Variants in SYT16 observed in about 807,000 individuals in gnomAD.
SYT16 encodes the protein synaptotagmin 16.
A neutral mutation model predicts 61.4 loss-of-function variants in SYT16; 42 were observed. The observed-to-expected ratio is 0.68, with a 90% CI of 0.53 to 0.89. The LOEUF is 0.89. SYT16 is among the 40% of genes least tolerant of loss of function. The pLI, the probability that SYT16 is intolerant of heterozygous loss-of-function variation, is 0.00. For missense variants in SYT16, 804 were observed against 807.3 expected, an observed-to-expected ratio of 1.00 and a Z score of 0.05; for synonymous variants, 314 against 302.3, an observed-to-expected ratio of 1.04 and a Z score of -0.40.
chr14:62,093,525 G>T (rs541698124), intron 7 of SYT16, among the ~76,000 whole-genome samples: 6 of 151,746 alleles, frequency 4.0e-5, no homozygotes, highest in African/African-American at 1.2e-4. Context: ...GTTTATACTG[G>T]GTCCACCTAG....
chr14:62,076,263 C>A, intron 5 of SYT16, among the ~76,000 whole-genome samples: 1 of 151,998 alleles, frequency 6.6e-6, no homozygotes. Context: ...TGTTTAATAC[C>A]TAATTTGAAA....
intron 3 of SYT16, among the ~76,000 whole-genome samples, chr14:62,049,234 C>G (rs543203460): frequency 5.3e-5 from 8 of 152,254 alleles, no homozygotes; most frequent in African/African-American, 1.9e-4. Flanking sequence ...TATGTAATGG[C>G]CTTCTTTGTC....
intron 3 of SYT16, among the ~76,000 whole-genome samples, chr14:62,053,993 A>G (rs796459027): frequency 2.0e-4 from 31 of 152,320 alleles, no homozygotes; most frequent in African/African-American, 7.0e-4. Flanking sequence ...AAGCCATTTA[A>G]CAGTCATAGC....
chr14:61,998,676 C>G (rs539097800), intron 3 of SYT16, among the ~76,000 whole-genome samples: 1 of 152,020 alleles, frequency 6.6e-6, no homozygotes, highest in East Asian at 1.9e-4. Context: ...ACTGATTACA[C>G]TGGATAGGGC....
chr14:61,920,627 G>A (rs903590858), intron 1 of SYT16, among the ~76,000 whole-genome samples: 1 of 152,274 alleles, frequency 6.6e-6, no homozygotes, highest in African/African-American at 2.4e-5. Context: ...AGACATTTGA[G>A]ACAATGCCAT....
At position 62,084,224 on chromosome 14, in the gene SYT16, C is replaced by A. The variant is rs755013221; in HGVS notation, c.1463C>A (p.Ala488Glu). Residue 488 changes from alanine to glutamate, a missense_variant, in exon 7 of 8, where the codon GCG becomes GAG. By Grantham distance (107) the Ala-to-Glu change is moderately radical (BLOSUM62 -1). Transcript: ENST00000683842. ...GGAGGGTCTCCGCTCAGCCCATCTG[C>A]GGTTTCTCACAGTGATAGTACTTCA... Reference protein sequence around the residue: ...SSGGSPLSPSAVSHSDSTSST... With the variant: ...SSGGSPLSPSEVSHSDSTSST... 2 of 1,613,808 alleles carry A rather than the reference C, an allele frequency of 1.2e-6. No homozygotes were observed. The highest frequency in any genetic ancestry group is 1.7e-5 in the Admixed American group (1 of 60,010).
In SYT16 at chr14:62,108,316, C is replaced by T. The variant is rs1256179420; in HGVS notation, c.*7609C>T. 6.6e-6 allele frequency: 1 copy of T among 152,102 alleles called. No homozygotes were observed. Among genetic ancestry groups the T allele is most frequent in the Admixed American group, 6.6e-5 (1 of 15,260 alleles). 9.4% of individuals were successfully genotyped at this position (152,102 alleles called of 1,614,324 possible). ...AAATTCTGACTGAAAGCAAGTTTTT[C>T]GTGTTGCCCAGTTGATAGTCCATAA... is the stretch of plus-strand genomic sequence containing the variant. On this transcript the variant is annotated 3_prime_UTR_variant, in exon 8 of 8. Transcript: ENST00000683842.
chr14:61,990,176 G>A (rs748490641), intron 2 of SYT16, among the ~76,000 whole-genome samples: 2 of 152,132 alleles, frequency 1.3e-5, no homozygotes, highest in Non-Finnish European at 2.9e-5. Flanking sequence ...TTGACTCCAT[G>A]CATTATTCAT....
chr14:62,016,934 T>A (rs937811416), intron 3 of SYT16, among the ~76,000 whole-genome samples: 1 of 152,172 alleles, frequency 6.6e-6, no homozygotes, highest in South Asian at 2.1e-4. Flanking sequence ...GTGTGTTTAG[T>A]ACTGTGATTT....
intron 2 of SYT16, among the ~76,000 whole-genome samples, chr14:61,988,131 ATGGCCC>A (rs550807703): frequency 3.9e-4 from 59 of 152,188 alleles, no homozygotes; most frequent in Admixed American, 9.2e-4. Flanking sequence ...ATGTGCGCCC[ATGGCCC>A]TGGAGCACAG....
intron 1 of SYT16, among the ~76,000 whole-genome samples, chr14:61,967,769 T>G (rs1382517740): frequency 6.6e-6 from 1 of 152,160 alleles, no homozygotes; most frequent in Non-Finnish European, 1.5e-5. Context: ...GGTGAACATA[T>G]GTACTTGAGG....
At chr14:61,818,819 C>G (rs1020959268) in intron 1 of SYT16, among the ~76,000 whole-genome samples, 1 of 152,048 alleles carries the variant, frequency 6.6e-6, no homozygotes, top group African/African-American at 2.4e-5. Flanking sequence ...TAATTATAAA[C>G]AGTGTAGAAG....
intron 2 of SYT16, among the ~76,000 whole-genome samples, chr14:61,975,706 G>T (rs1157149088): frequency 6.6e-6 from 1 of 152,076 alleles, no homozygotes; most frequent in Non-Finnish European, 1.5e-5. Flanking sequence ...GATCCTATTT[G>T]GTTCTTAGGG....
chr14:61,826,979 C>T (rs1298274654), intron 1 of SYT16, among the ~76,000 whole-genome samples: 1 of 151,932 alleles, frequency 6.6e-6, no homozygotes, highest in Non-Finnish European at 1.5e-5. Context: ...CGGAAGCCCA[C>T]CAGTTCCATT....
intron 2 of SYT16, among the ~76,000 whole-genome samples, chr14:61,992,362 C>T (rs2052587188): frequency 6.6e-6 from 1 of 152,094 alleles, no homozygotes; most frequent in Non-Finnish European, 1.5e-5. Context: ...TAAGGAAAGG[C>T]TGAGTTCTCA....
chr14:61,881,485 A>T (rs2047695814), intron 1 of SYT16, among the ~76,000 whole-genome samples: 1 of 152,210 alleles, frequency 6.6e-6, no homozygotes, highest in African/African-American at 2.4e-5. Flanking sequence ...CTCTGTTAAT[A>T]TCCTCTGCAT....
At position 61,879,458 on chromosome 14, in the gene SYT16, T is replaced by C. The variant is rs137900484; in HGVS notation, c.-325+66648T>C. ...ACTTTTGACAAGCAATTCACCTCTCTGGACTGAAGCTCTAACATTGCATGA... is the reference window on the plus strand; with the variant it reads ...ACTTTTGACAAGCAATTCACCTCTCCGGACTGAAGCTCTAACATTGCATGA... On this transcript the variant is annotated intron_variant, in intron 1 of 7. Transcript: ENST00000683842. 2.2e-3 allele frequency among the ~76,000 whole-genome samples: 335 copies of C among 152,344 alleles called. 2 individuals are homozygous for C. Among genetic ancestry groups the C allele is most frequent in the African/African-American group, 7.8e-3 (325 of 41,580 alleles).
intron 1 of SYT16, among the ~76,000 whole-genome samples, chr14:61,943,555 C>T (rs1057288856): frequency 6.6e-6 from 1 of 152,216 alleles, no homozygotes; most frequent in East Asian, 1.9e-4. Flanking sequence ...GGCTTCATCC[C>T]TGGGATGCAA....
chr14:61,908,603 C>G (rs979353553), intron 1 of SYT16, among the ~76,000 whole-genome samples: 4 of 152,126 alleles, frequency 2.6e-5, no homozygotes, highest in Non-Finnish European at 5.9e-5. Context: ...AACATTTGCT[C>G]CAAACTGAGC....
Sources: allele counts gnomAD v4.1 joint callset (sites outside exome capture counted in the v4.1 genomes callset), GRCh38; gene constraint gnomAD v4.1.1; transcripts MANE v1.5; gene names NCBI Gene and HGNC (gene_info 2026-07-23, HGNC 2026-07-21).